DCC: variants seen among roughly 807,000 people sequenced by gnomAD.
The protein encoded by DCC is netrin receptor DCC.
DCC carries 58 observed loss-of-function variants against 172.5 expected under a neutral mutation model. That is an observed-to-expected ratio of 0.34 (90% CI 0.27 to 0.42). DCC has a LOEUF of 0.42. Ranked by LOEUF, DCC falls within the 10% of genes least tolerant of loss-of-function variation. DCC has a pLI of 1.00. For missense variants in DCC, 1,740 were observed against 1,791.0 expected, an observed-to-expected ratio of 0.97 and a Z score of 0.51; for synonymous variants, 709 against 644.5, an observed-to-expected ratio of 1.10 and a Z score of -1.52.
intron 19 of DCC, among the ~76,000 whole-genome samples, chr18:53,406,812 G>T (rs1909693700): frequency 6.6e-6 from 1 of 151,840 alleles, no homozygotes; most frequent in South Asian, 2.1e-4. Context: ...AATTTATAAG[G>T]TAAGCTTCAA....
chr18:52,550,334 A>T (rs1379381119), intron 1 of DCC, among the ~76,000 whole-genome samples: 1 of 151,744 alleles, frequency 6.6e-6, no homozygotes, highest in Non-Finnish European at 1.5e-5. Flanking sequence ...TGGTCTCCTG[A>T]ACAGAAAAGA....
chr18:52,680,643 A>T (rs2035732835), intron 1 of DCC, among the ~76,000 whole-genome samples: 1 of 152,152 alleles, frequency 6.6e-6, no homozygotes, highest in Non-Finnish European at 1.5e-5. Context: ...CCATGGAACA[A>T]CACAGTGAAT....
At chr18:52,702,991 T>C (rs565188530) in intron 1 of DCC, among the ~76,000 whole-genome samples, 2 of 152,214 alleles carry the variant, frequency 1.3e-5, no homozygotes, top group Non-Finnish European at 2.9e-5. Flanking sequence ...GTTCTGAGTG[T>C]AAATACTTTA....
chr18:52,862,891 A>AT (rs1233865220), intron 2 of DCC, among the ~76,000 whole-genome samples: 1 of 152,100 alleles, frequency 6.6e-6, no homozygotes, highest in Non-Finnish European at 1.5e-5. Context: ...AGATAGAAAT[A>AT]TTTTACTATG....
chr18:52,373,893 T>TC (rs1191476105), intron 1 of DCC, among the ~76,000 whole-genome samples: 1 of 144,216 alleles, frequency 6.9e-6, no homozygotes, highest in African/African-American at 2.7e-5. Context: ...GCATCATTTT[T>TC]TTTTTTTTTT....
chr18:52,507,518 C>T (rs1203735035), intron 1 of DCC, among the ~76,000 whole-genome samples: 1 of 152,098 alleles, frequency 6.6e-6, no homozygotes, highest in African/African-American at 2.4e-5. Context: ...AAAGAAACAG[C>T]AGTTTCTTTT....
At chr18:52,602,664 T>G (rs2034041490) in intron 1 of DCC, among the ~76,000 whole-genome samples, 1 of 151,406 alleles carries the variant, frequency 6.6e-6, no homozygotes, top group Non-Finnish European at 1.5e-5. Context: ...TCAAAGGAAT[T>G]ACGGTGCAAA....
intron 2 of DCC, among the ~76,000 whole-genome samples, chr18:52,798,495 C>T (rs187430705): frequency 9.4e-4 from 142 of 151,246 alleles, no homozygotes; most frequent in Non-Finnish European, 1.8e-3. Context: ...TGAGCCACTG[C>T]ACCTGGCCCC....
intron 20 of DCC, among the ~76,000 whole-genome samples, chr18:53,414,754 A>G (rs1193161652): frequency 2.6e-5 from 4 of 152,308 alleles, no homozygotes; most frequent in Admixed American, 6.5e-5. Flanking sequence ...AGGCTGAGGC[A>G]GGAGAATTGC....
chr18:52,538,330 T>C (rs2032343500), intron 1 of DCC, among the ~76,000 whole-genome samples: 1 of 152,178 alleles, frequency 6.6e-6, no homozygotes, highest in African/African-American at 2.4e-5. Context: ...ATTGTAACAT[T>C]CTCTTCTCTC....
intron 8 of DCC, among the ~76,000 whole-genome samples, chr18:53,173,011 A>G (rs1319542454): frequency 4.6e-5 from 7 of 152,164 alleles, no homozygotes; most frequent in African/African-American, 1.7e-4. Flanking sequence ...GGCACTGGGT[A>G]TAAAAATTCT....
intron 7 of DCC, among the ~76,000 whole-genome samples, chr18:53,137,667 G>A (rs1344611466): frequency 6.6e-6 from 1 of 152,102 alleles, no homozygotes; most frequent in African/African-American, 2.4e-5. Context: ...CCACTTTAGT[G>A]CATATCTACC....
At chr18:52,605,739 A>G (rs2034119353) in intron 1 of DCC, among the ~76,000 whole-genome samples, 1 of 152,024 alleles carries the variant, frequency 6.6e-6, no homozygotes, top group Non-Finnish European at 1.5e-5. Context: ...TAATGACTAG[A>G]CTTTATTTGG....
At chr18:52,629,158 A>G (rs2034629142) in intron 1 of DCC, among the ~76,000 whole-genome samples, 1 of 152,238 alleles carries the variant, frequency 6.6e-6, no homozygotes, top group Non-Finnish European at 1.5e-5. Flanking sequence ...AATCTCACGG[A>G]AGAGCAATAA....
rs949708131 is a variant in DCC, at chr18:52,640,626, G to GA, written c.92-111418dup. The stretch of plus-strand genomic sequence containing the variant: ...CTTTTTACAATAGCTGCAAAAAAAA[G>GA]AAAAAAAAAACTTAGGAATATACCT... On this transcript the variant is annotated intron_variant, in intron 1 of 28. Transcript: ENST00000442544. 5.9e-3 allele frequency among the ~76,000 whole-genome samples: 861 copies of GA among 145,344 alleles called. 6 individuals are homozygous for GA. Among genetic ancestry groups the GA allele is most frequent in the Middle Eastern group, 0.018 (5 of 284 alleles).
intron 8 of DCC, among the ~76,000 whole-genome samples, chr18:53,165,851 CTTAG>C (rs1337701578): frequency 6.6e-6 from 1 of 152,148 alleles, no homozygotes; most frequent in Non-Finnish European, 1.5e-5. Context: ...TAACCACACA[CTTAG>C]TTAAGAGCTT....
chr18:52,794,412 TATAA>T (rs1381837463), intron 2 of DCC, among the ~76,000 whole-genome samples: 6 of 152,106 alleles, frequency 3.9e-5, no homozygotes, highest in African/African-American at 1.4e-4. Flanking sequence ...TGGTAGCTAT[TATAA>T]ATGAGATCAC....
intron 12 of DCC, among the ~76,000 whole-genome samples, chr18:53,242,743 T>A (rs1243851287): frequency 6.6e-6 from 1 of 152,066 alleles, no homozygotes; most frequent in Non-Finnish European, 1.5e-5. Context: ...ACACCATGGG[T>A]CAGTTTTCCA....
intron 2 of DCC, among the ~76,000 whole-genome samples, chr18:52,799,665 TTC>T (rs1299756457): frequency 3.0e-4 from 46 of 152,250 alleles, no homozygotes; most frequent in African/African-American, 1.1e-3. Flanking sequence ...ATTTTAGAAG[TTC>T]TCTCAAATGG....
Sources: allele counts gnomAD v4.1 joint callset (sites outside exome capture counted in the v4.1 genomes callset), GRCh38; gene constraint gnomAD v4.1.1; transcripts MANE v1.5; gene names NCBI Gene and HGNC (gene_info 2026-07-23, HGNC 2026-07-21).